ZFYVE27: variants seen among roughly 807,000 people sequenced by gnomAD.
ZFYVE27 encodes the protein zinc finger FYVE-type containing 27, also known as protrudin.
Under a neutral mutation model 52.8 loss-of-function variants are expected in ZFYVE27, and 36 were observed. The ratio of observed to expected loss-of-function variants is 0.68; its 90% confidence interval spans 0.52 to 0.90. The LOEUF (loss-of-function observed/expected upper bound fraction) is 0.90, where lower values mean the gene tolerates loss of function less well. Among genes scored for constraint, ZFYVE27 ranks in the 40% least tolerant of loss-of-function variants. The pLI is 0.00. For synonymous variants in ZFYVE27, 223 were observed against 215.6 expected, an observed-to-expected ratio of 1.03 and a Z score of -0.30; for missense variants, 450 against 527.2, an observed-to-expected ratio of 0.85 and a Z score of 1.43.
intron 3 of ZFYVE27, among the ~76,000 whole-genome samples, chr10:97,743,642 G>C (rs970400748): frequency 7.9e-5 from 12 of 152,248 alleles, no homozygotes; most frequent in African/African-American, 2.9e-4. Context: ...GTACTGGGAT[G>C]AGGAGCTGAT....
At chr10:97,743,304 A>C in intron 3 of ZFYVE27, 140 bp downstream of exon 3, 1 of 1,033,154 alleles carries the variant, frequency 9.7e-7, no homozygotes, top group Non-Finnish European at 1.5e-6. Context: ...TGGAGTCAGA[A>C]ACAGCCTCCA....
At chr10:97,754,420 C>T (rs1305784493) in intron 10 of ZFYVE27, among the ~76,000 whole-genome samples, 2 of 151,608 alleles carry the variant, frequency 1.3e-5, no homozygotes, top group Non-Finnish European at 2.9e-5. Flanking sequence ...TCAAGTGATC[C>T]TCACAGCTCA....
chr10:97,749,079 C>T lies in ZFYVE27; in HGVS notation c.552-395C>T, dbSNP rs565605955. 5.3e-5 allele frequency among the ~76,000 whole-genome samples: 8 copies of T among 152,268 alleles called. No individual in the cohort carries two copies. In the East Asian group the frequency reaches 1.2e-3, roughly 22 times the overall value. On this transcript the variant is annotated intron_variant, in intron 5 of 12. Coordinates refer to ENST00000684270, the MANE Select transcript of ZFYVE27 (RefSeq NM_001385875.1). ...TCTTATAGTAACTCTATTAGGTAGG[C>T]GCTACTTCAGTCCCCATCTTACACG...
chr10:97,757,679 G>T lies in ZFYVE27; in HGVS notation c.1127G>T (p.Arg376Leu). 5 of 1,614,224 alleles carry T rather than the reference G, an allele frequency of 3.1e-6. No individual in the cohort carries two copies. Among genetic ancestry groups the T allele is most frequent in the Non-Finnish European group, 4.2e-6 (5 of 1,180,038 alleles). ...CSNCGNSFCS[R>L]CCSFKVPKSS... is the part of the protein sequence containing the mutation. ...AATTGTGGAAACAGCTTCTGCTCTC[G>T]ATGCTGCTCCTTCAAGGTGCCCAAG... The change falls in exon 12 of 13, where the codon CGA becomes CTA. Residue 376 changes from arginine to leucine, a missense_variant. Physicochemically the swap from Arg to Leu is moderately radical, Grantham distance 102. Coordinates refer to ENST00000684270, the MANE Select transcript of ZFYVE27 (RefSeq NM_001385875.1).
At chr10:97,749,440 A>C (rs149346812) in intron 5 of ZFYVE27, 34 bp from the exon 6 acceptor site, 60 of 1,565,068 alleles carry the variant, frequency 3.8e-5, no homozygotes, top group Non-Finnish European at 5.2e-5. Flanking sequence ...GCTGTTACGA[A>C]TTTCTGATCT....
chr10:97,745,193 T>TG (rs1449752342), intron 4 of ZFYVE27, among the ~76,000 whole-genome samples: 17 of 152,242 alleles, frequency 1.1e-4, no homozygotes, highest in Admixed American at 1.1e-3. Flanking sequence ...TTTTTTTTTT[T>TG]GAGACAGAGT....
In ZFYVE27 at chr10:97,759,229, T is replaced by A. The variant is rs1271214915; in HGVS notation, c.1172-7T>A. On this transcript the variant is annotated splice_polypyrimidine_tract_variant and splice_region_variant and intron_variant, in intron 12 of 12. Coordinates refer to ENST00000684270, the MANE Select transcript of ZFYVE27 (RefSeq NM_001385875.1). ...AAATGTCTCACCAAGTTCTTCCTCCTTTTCAGCCCCTGAAGCCCAGAGGGA... is the reference window on the plus strand; with the variant it reads ...AAATGTCTCACCAAGTTCTTCCTCCATTTCAGCCCCTGAAGCCCAGAGGGA... 6.2e-7 allele frequency: 1 copy of A among 1,614,142 alleles called. No homozygotes were observed. Among genetic ancestry groups the A allele is most frequent in the Non-Finnish European group, 8.5e-7 (1 of 1,180,016 alleles).
chr10:97,750,041 T>G (rs2046517072), intron 6 of ZFYVE27: 3 of 465,704 alleles, frequency 6.4e-6, no homozygotes, highest in Admixed American at 3.4e-5. Context: ...TACATATGTT[T>G]GGGTGATTGC....
chr10:97,743,128 C>T lies in ZFYVE27; in HGVS notation c.232C>T (p.Leu78=). 2 of 1,614,198 alleles carry T rather than the reference C, an allele frequency of 1.2e-6. No homozygotes were observed. The highest frequency in any genetic ancestry group is 1.7e-6 in the Non-Finnish European group (2 of 1,180,040). The change falls in exon 3 of 13, where the codon CTG becomes TTG. Residue 78 remains leucine (L), a synonymous_variant. Transcript: ENST00000684270. Reference sequence around the variant, plus strand: ...GCCTTTGTGTTCCTTGCTGACCTGCCTGGGCCTCAACGTCTTGTTCCTCAC... The same window carrying T: ...GCCTTTGTGTTCCTTGCTGACCTGCTTGGGCCTCAACGTCTTGTTCCTCAC... ...QMPLCSLLTC[L]GLNVLFLTLN...
chr10:97,748,361 C>T lies in ZFYVE27; in HGVS notation c.548C>T (p.Ser183Leu). 1 of 1,613,980 alleles carries T rather than the reference C, an allele frequency of 6.2e-7. No individual in the cohort carries two copies. The highest frequency in any genetic ancestry group is 8.5e-7 in the Non-Finnish European group (1 of 1,179,956). The change falls in exon 5 of 13, where the codon TCA becomes TTA. Residue 183 changes from serine to leucine, a missense_variant. By Grantham distance (145) the Ser-to-Leu change is moderately radical. Coordinates refer to ENST00000684270, the MANE Select transcript of ZFYVE27 (RefSeq NM_001385875.1). ...CACTGGGAGAACCCCGTCGTGTCCT[C>T]ACAGTGAGTGACCCCTCCTCTCCCG... ...VLHWENPVVSSQFYGALLGTV... is the reference protein window; with the variant it reads ...VLHWENPVVSLQFYGALLGTV...
chr10:97,751,347 G>A (rs375683517), intron 7 of ZFYVE27, 44 bp from the exon 8 acceptor site: 176 of 1,608,080 alleles, frequency 1.1e-4, no homozygotes, highest in Non-Finnish European at 1.4e-4. Flanking sequence ...TTAGGGAGCA[G>A]CGCTGCCATC....
intron 3 of ZFYVE27, 33 bp downstream of exon 3, chr10:97,743,197 G>T (rs1419662678): frequency 6.2e-7 from 1 of 1,612,266 alleles, no homozygotes; most frequent in Non-Finnish European, 8.5e-7. Flanking sequence ...AGTGGTTTTT[G>T]TGAACGAATG....
intron 4 of ZFYVE27, among the ~76,000 whole-genome samples, chr10:97,746,396 C>T (rs1432029108): frequency 1.3e-5 from 2 of 152,082 alleles, no homozygotes; most frequent in African/African-American, 4.8e-5. Context: ...CCAAGAATGC[C>T]TTTTACCCAG....
intron 6 of ZFYVE27, 69 bp downstream of exon 6, chr10:97,749,655 C>T (rs1428007245): frequency 1.6e-6 from 2 of 1,249,284 alleles, no homozygotes; most frequent in East Asian, 2.3e-5. Flanking sequence ...CTCCCCAGTT[C>T]TTCTGTCTCT....
intron 1 of ZFYVE27, among the ~76,000 whole-genome samples, 192 bp downstream of exon 1, chr10:97,737,513 A>G (rs1017932028): frequency 4.6e-5 from 7 of 152,216 alleles, no homozygotes; most frequent in African/African-American, 1.4e-4. Flanking sequence ...GGGCGTCGAT[A>G]TACCTCGCCC....
At chr10:97,743,852 G>A (rs946399372) in intron 3 of ZFYVE27, among the ~76,000 whole-genome samples, 2 of 152,200 alleles carry the variant, frequency 1.3e-5, no homozygotes, top group Admixed American at 6.5e-5. Flanking sequence ...TACCCTATCC[G>A]TGGTTGGCGC....
chr10:97,747,519 C>G (rs1356067232), intron 4 of ZFYVE27, among the ~76,000 whole-genome samples: 1 of 152,112 alleles, frequency 6.6e-6, no homozygotes, highest in African/African-American at 2.4e-5. Flanking sequence ...TATAAGGAAG[C>G]TCTTTCTTAC....
Position 97,759,715 on chromosome 10 carries a change from G to T in ZFYVE27, c.*415G>T, listed in dbSNP as rs146227758. ...GGTTGGGAAAAGAGGTTTTTCTCCT[G>T]CAGGGTACTGGGCCAGGCCCTCAGC... On this transcript the variant is annotated 3_prime_UTR_variant, in exon 13 of 13. Transcript: ENST00000684270. 454 of 300,836 alleles carry T rather than the reference G, an allele frequency of 1.5e-3. 1 individual carries two copies. The highest frequency in any genetic ancestry group is 8.9e-3 in the African/African-American group (416 of 46,612). The allele number at this position is 300,836 out of a possible 1,614,324, so 18.6% of individuals were successfully genotyped here.
At position 97,744,833 on chromosome 10, in the gene ZFYVE27, A is replaced by G; in HGVS notation, c.373A>G (p.Arg125Gly). ...ARLPDSELMRRKYHSVRQEDL... is the reference protein window; with the variant it reads ...ARLPDSELMRGKYHSVRQEDL... ...GCTGCCTGATTCCGAGCTGATGCGG[A>G]GGAAGTATCATAGCGTGAGGCAGGA... Residue 125 changes from arginine (R) to glycine (G), a missense_variant, in exon 4 of 13, where the codon AGG (arginine) becomes GGG (glycine). By Grantham distance (125) the Arg-to-Gly change is moderately radical. Transcript: ENST00000684270. 6.2e-7 allele frequency: 1 copy of G among 1,613,796 alleles called. No homozygotes were observed. The highest frequency in any genetic ancestry group is 8.5e-7 in the Non-Finnish European group (1 of 1,179,930).
Sources: allele counts gnomAD v4.1 joint callset (sites outside exome capture counted in the v4.1 genomes callset), GRCh38; gene constraint gnomAD v4.1.1; transcripts MANE v1.5; gene names NCBI Gene and HGNC (gene_info 2026-07-23, HGNC 2026-07-21).